The following GON4L variants were observed in gnomAD, a reference collection of about 807,000 sequenced individuals.
The protein encoded by GON4L is GON-4-like protein.
In GON4L, 87 loss-of-function variants were observed where a neutral mutation model predicts 211.8. That is an observed-to-expected ratio of 0.41 (90% CI 0.35 to 0.49). The LOEUF (loss-of-function observed/expected upper bound fraction) is 0.49, where lower values mean the gene tolerates loss of function less well. Among genes scored for constraint, GON4L ranks in the 20% least tolerant of loss-of-function variants. The pLI, the probability that GON4L is intolerant of heterozygous loss-of-function variation, is 0.15. For missense variants in GON4L, 2,155 were observed against 2,659.5 expected, an observed-to-expected ratio of 0.81 and a Z score of 4.17; for synonymous variants, 875 against 962.6, an observed-to-expected ratio of 0.91 and a Z score of 1.68.
chr1:155,815,347 G>C (rs1668145420), intron 8 of GON4L, among the ~76,000 whole-genome samples: 1 of 152,056 alleles, frequency 6.6e-6, no homozygotes, highest in African/African-American at 2.4e-5. Context: ...ATATAAACAT[G>C]GGTCCATTTA....
chr1:155,789,781 C>T (rs561702843), intron 12 of GON4L, among the ~76,000 whole-genome samples: 4 of 152,072 alleles, frequency 2.6e-5, no homozygotes, highest in East Asian at 1.9e-4. Flanking sequence ...GGAACCATTT[C>T]GTATCCATGG....
At chr1:155,784,179 T>G in intron 13 of GON4L, 90 bp from the exon 14 acceptor site, 1 of 1,529,454 alleles carries the variant, frequency 6.5e-7, no homozygotes, top group Non-Finnish European at 9.0e-7. Flanking sequence ...AACTATAGAT[T>G]ACAAGACTAT....
chr1:155,831,991 G>A (rs762375686), intron 2 of GON4L, among the ~76,000 whole-genome samples: 42 of 152,146 alleles, frequency 2.8e-4, no homozygotes, highest in East Asian at 5.8e-4. Flanking sequence ...GCAGTGAGCC[G>A]AAATCACACC....
chr1:155,854,221 G>A (rs895975282), intron 1 of GON4L, among the ~76,000 whole-genome samples: 11 of 152,120 alleles, frequency 7.2e-5, no homozygotes, highest in Non-Finnish European at 1.5e-4. Flanking sequence ...GCGCAATCTC[G>A]GTTCACTGCA....
At chr1:155,801,507 G>GT (rs1666658904) in intron 11 of GON4L, among the ~76,000 whole-genome samples, 1 of 151,682 alleles carries the variant, frequency 6.6e-6, no homozygotes, top group East Asian at 1.9e-4. Flanking sequence ...CAGAGGGTGG[G>GT]TAAAAAAAAG....
chr1:155,765,414 A>C lies in GON4L; in HGVS notation c.4059T>G (p.Ala1353=). ...DICDDIKVEH[A]VELDTGAPSE... Reference sequence around the variant, plus strand: ...TTGGGGCACCAGTGTCCAATTCCACAGCATGTTCCACTTTGATGTCATCAC... The same window carrying C: ...TTGGGGCACCAGTGTCCAATTCCACCGCATGTTCCACTTTGATGTCATCAC... The change falls in exon 21 of 32, where the codon GCT becomes GCG. Residue 1353 remains alanine, a synonymous_variant. Transcript: ENST00000368331. 1.2e-6 allele frequency: 2 copies of C among 1,614,182 alleles called. No homozygotes were observed. Among genetic ancestry groups the C allele is most frequent in the Non-Finnish European group, 1.7e-6 (2 of 1,180,034 alleles).
intron 14 of GON4L, among the ~76,000 whole-genome samples, chr1:155,779,788 AATTT>A (rs542685266): frequency 1.1e-4 from 16 of 151,670 alleles, no homozygotes; most frequent in Non-Finnish European, 2.1e-4. Flanking sequence ...TTAGAAGAGG[AATTT>A]ATTTATTTAT....
At chr1:155,835,616 G>C (rs1670224504) in intron 2 of GON4L, among the ~76,000 whole-genome samples, 1 of 152,052 alleles carries the variant, frequency 6.6e-6, no homozygotes, top group Admixed American at 6.6e-5. Flanking sequence ...GACCCTCATG[G>C]GCTGATGCCT....
At chr1:155,806,231 C>A (rs540449209) in intron 10 of GON4L, among the ~76,000 whole-genome samples, 66 of 151,558 alleles carry the variant, frequency 4.4e-4, no homozygotes, top group African/African-American at 1.6e-3. Flanking sequence ...CGGATCACTG[C>A]AACCTCCATC....
chr1:155,780,876 G>A (rs945302905), intron 14 of GON4L, among the ~76,000 whole-genome samples: 4 of 152,074 alleles, frequency 2.6e-5, no homozygotes, highest in Non-Finnish European at 4.4e-5. Flanking sequence ...AGATAAATAA[G>A]TGTTTTCAAT....
intron 14 of GON4L, among the ~76,000 whole-genome samples, chr1:155,780,504 A>C (rs1159102245): frequency 6.6e-6 from 1 of 152,062 alleles, no homozygotes; most frequent in African/African-American, 2.4e-5. Context: ...GAGGCAGGAG[A>C]ATCACTTGAA....
intron 15 of GON4L, 22 bp from the exon 16 acceptor site, chr1:155,776,503 T>C (rs756641708): frequency 1.3e-6 from 2 of 1,527,732 alleles, no homozygotes; most frequent in Non-Finnish European, 1.8e-6. Flanking sequence ...AAGAAAATGA[T>C]GAAGTGACAT....
At chr1:155,814,541 C>T (rs1479136944) in intron 8 of GON4L, 92 bp from the exon 9 acceptor site, 1 of 1,322,902 alleles carries the variant, frequency 7.6e-7, no homozygotes, top group African/African-American at 1.4e-5. Flanking sequence ...CATAAAATAT[C>T]AATCACTCAG....
chr1:155,839,094 T>C (rs932983368), intron 2 of GON4L, among the ~76,000 whole-genome samples: 7 of 152,118 alleles, frequency 4.6e-5, no homozygotes, highest in South Asian at 2.1e-4. Context: ...AATAATTGTG[T>C]CTAATTCAAA....
intron 11 of GON4L, among the ~76,000 whole-genome samples, chr1:155,799,138 C>G (rs1174629590): frequency 6.6e-6 from 1 of 152,124 alleles, no homozygotes; most frequent in East Asian, 1.9e-4. Context: ...TAGGCACATA[C>G]AAAAATACTG....
intron 10 of GON4L, among the ~76,000 whole-genome samples, chr1:155,810,012 T>TATATACATA (rs1667592447): frequency 7.3e-6 from 1 of 137,174 alleles, no homozygotes; most frequent in Non-Finnish European, 1.5e-5. Context: ...ATATATATTT[T>TATATACATA]TGAAATGTAG....
In GON4L at chr1:155,853,409, G is replaced by T. The variant is rs141613213; in HGVS notation, c.372C>A (p.His124Gln). 1 of 1,614,010 alleles carries T rather than the reference G, an allele frequency of 6.2e-7. No homozygotes were observed. Among genetic ancestry groups the T allele is most frequent in the African/African-American group, 1.3e-5 (1 of 74,908 alleles). The change falls in exon 2 of 32, where the codon CAC (histidine) becomes CAA (glutamine). Residue 124 changes from histidine (H) to glutamine (Q), a missense_variant. Around this residue, in one of 6 missense-constraint regions of GON4L, gnomAD observed 313 missense variants for 293.2 expected, o/e 1.07. Coordinates refer to ENST00000368331, the MANE Select transcript of GON4L (RefSeq NM_001282860.2). ...LNIHIGKGKL[H>Q]ATGSKRGKKM... is the part of the protein sequence containing the mutation. ...TTTTCCCTCTCTTTGAGCCAGTAGC[G>T]TGGAGTTTTCCTTTACCAATGTGTA...
Position 155,760,570 on chromosome 1 carries a change from T to C in GON4L, c.4983A>G (p.Ser1661=), listed in dbSNP as rs756050458. The change falls in exon 24 of 32, where the codon TCA becomes TCG. Residue 1661 remains serine (S), a synonymous_variant. Coordinates refer to ENST00000368331, the MANE Select transcript of GON4L (RefSeq NM_001282860.2). ...CTACAGCCGTCCGTCTCTGGGTACT[T>C]GACTCAAATTCATAGATGACTTGAA... ...DFLQVIYEFE[S]STQRRTAVDL... 8 of 1,613,160 alleles carry C rather than the reference T, an allele frequency of 5.0e-6. No individual in the cohort carries two copies. In the South Asian group the frequency reaches 8.8e-5, roughly 18 times the overall value.
chr1:155,813,954 G>C, intron 9 of GON4L, 150 bp from the exon 10 acceptor site: 1 of 688,700 alleles, frequency 1.5e-6, no homozygotes, highest in South Asian at 1.7e-5. Flanking sequence ...TAAAAACAAA[G>C]ACACCAAGTG....
Sources: allele counts gnomAD v4.1 joint callset (sites outside exome capture counted in the v4.1 genomes callset), GRCh38; gene constraint gnomAD v4.1.1; regional missense constraint gnomAD v4.1.1; transcripts MANE v1.5; gene names NCBI Gene and HGNC (gene_info 2026-07-23, HGNC 2026-07-21).